Variants in CLDN16 observed in about 807,000 individuals in gnomAD.
The protein encoded by CLDN16 is claudin-16.
CLDN16 carries 13 observed loss-of-function variants against 24.6 expected under a neutral mutation model. The ratio of observed to expected loss-of-function variants is 0.53; its 90% CI spans 0.34 to 0.84. The LOEUF is 0.84. Among genes scored for constraint, CLDN16 ranks in the 40% least tolerant of loss-of-function variants. The pLI is 0.01. For synonymous variants in CLDN16, 116 were observed against 106.7 expected, an observed-to-expected ratio of 1.09 and a Z score of -0.54; for missense variants, 298 against 292.7, an observed-to-expected ratio of 1.02 and a Z score of -0.13.
chr3:190,354,476 A>G (rs1363960135), intron 1 of CLDN16, among the ~76,000 whole-genome samples: 3 of 151,950 alleles, frequency 2.0e-5, no homozygotes, highest in Admixed American at 2.0e-4. Context: ...TCTTTTCTTT[A>G]TGACACTCTT....
At chr3:190,345,188 G>A (rs1388180124) in intron 1 of CLDN16, among the ~76,000 whole-genome samples, 4 of 152,090 alleles carry the variant, frequency 2.6e-5, no homozygotes, top group African/African-American at 4.8e-5. Context: ...TAGTAACCAG[G>A]GAGATAGCTG....
At chr3:190,326,671 T>A (rs973710449) in intron 1 of CLDN16, among the ~76,000 whole-genome samples, 3 of 152,172 alleles carry the variant, frequency 2.0e-5, no homozygotes, top group Non-Finnish European at 2.9e-5. Flanking sequence ...TTGATATTTT[T>A]ATTATCAAGT....
Position 190,327,923 on chromosome 3 carries a change from C to A in CLDN16, n.121+5262C>A, listed in dbSNP as rs572145548. On this transcript the variant is annotated intron_variant and non_coding_transcript_variant, in intron 1 of 4. Coordinates refer to the CLDN16 transcript ENST00000468220. ...AAACAATTTTGACTCACAAGTAGAT[C>A]TTGTTTTTTTTGTGTGTGTTTAGAG... Among the ~76,000 whole-genome samples the A allele has an allele frequency of 6.6e-4, 101 of 152,176 alleles. 1 individual carries two copies. In the South Asian group the frequency reaches 0.02, roughly 31 times the overall value.
At chr3:190,308,056 GA>G in the CLDN16 span, 1 of 511,254 alleles carries the variant, frequency 2.0e-6, no homozygotes, top group Non-Finnish European at 3.5e-6. Flanking sequence ...AATACAAATG[GA>G]AAAATCTTCC....
At chr3:190,325,579 T>C (rs1490783297) in intron 1 of CLDN16, among the ~76,000 whole-genome samples, 1 of 152,200 alleles carries the variant, frequency 6.6e-6, no homozygotes, top group Non-Finnish European at 1.5e-5. Flanking sequence ...GGCTTAGCCA[T>C]GATCTTGAGA....
chr3:190,325,546 T>C (rs1454759453), intron 1 of CLDN16, among the ~76,000 whole-genome samples: 2 of 152,168 alleles, frequency 1.3e-5, no homozygotes, highest in East Asian at 1.9e-4. Context: ...GTTTATTCCA[T>C]GTGCTTGTGC....
chr3:190,344,924 A>G (rs1437607336), intron 1 of CLDN16, among the ~76,000 whole-genome samples: 3 of 152,118 alleles, frequency 2.0e-5, no homozygotes, highest in African/African-American at 4.8e-5. Context: ...AAATAATTCT[A>G]TTTACCCAGA....
chr3:190,363,116 C>T (rs1717935948), intron 1 of CLDN16, among the ~76,000 whole-genome samples: 1 of 151,868 alleles, frequency 6.6e-6, no homozygotes, highest in Non-Finnish European at 1.5e-5. Context: ...TCCAAGGGCA[C>T]TAATTTTTCT....
intron 1 of CLDN16, among the ~76,000 whole-genome samples, chr3:190,368,892 T>TG (rs1332875998): frequency 4.6e-5 from 7 of 152,004 alleles, no homozygotes; most frequent in African/African-American, 1.7e-4. Context: ...GATTTTCTGT[T>TG]GCTTGCTACT....
chr3:190,297,487 T>C, the CLDN16 span, among the ~76,000 whole-genome samples: 2 of 113,876 alleles, frequency 1.8e-5, no homozygotes, highest in South Asian at 2.4e-4. Flanking sequence ...CTATATATTA[T>C]ATATCTATAT....
chr3:190,344,127 A>G (rs1241892865), intron 1 of CLDN16, among the ~76,000 whole-genome samples: 1 of 152,140 alleles, frequency 6.6e-6, no homozygotes, highest in Non-Finnish European at 1.5e-5. Context: ...TATAAAAAAT[A>G]TAAAAAATAA....
chr3:190,334,998 ATTCTT>A (rs1201822263), intron 1 of CLDN16, among the ~76,000 whole-genome samples: 1 of 137,254 alleles, frequency 7.3e-6, no homozygotes, highest in African/African-American at 2.6e-5. Context: ...TTTTCTTTTT[ATTCTT>A]TTCTTTCCTT....
chr3:190,343,964 C>A (rs145763741), intron 1 of CLDN16, among the ~76,000 whole-genome samples: 35 of 150,902 alleles, frequency 2.3e-4, no homozygotes, highest in African/African-American at 8.2e-4. Flanking sequence ...TAGATTGTAT[C>A]TTCACATGTG....
chr3:190,371,702 G>A (rs933925360), intron 2 of CLDN16, among the ~76,000 whole-genome samples: 1 of 151,954 alleles, frequency 6.6e-6, no homozygotes, highest in African/African-American at 2.4e-5. Context: ...TGAATTAGGA[G>A]GTGATCCATA....
chr3:190,402,243 T>TA, intron 1 of CLDN16, 94 bp from the exon 2 acceptor site: 1 of 904,178 alleles, frequency 1.1e-6, no homozygotes, highest in Non-Finnish European at 1.9e-6. Flanking sequence ...CTTACTTTGC[T>TA]ATCAAACACA....
At chr3:190,337,109 A>T (rs945091797) in intron 1 of CLDN16, among the ~76,000 whole-genome samples, 2 of 152,174 alleles carry the variant, frequency 1.3e-5, no homozygotes, top group Non-Finnish European at 2.9e-5. Flanking sequence ...TGGACAATGG[A>T]CTGCTGTTGT....
chr3:190,398,824 G>C (rs1292624889), intron 1 of CLDN16, among the ~76,000 whole-genome samples: 1 of 152,052 alleles, frequency 6.6e-6, no homozygotes, highest in Non-Finnish European at 1.5e-5. Context: ...GATCAAAAAA[G>C]GTAAGATCTT....
intron 1 of CLDN16, among the ~76,000 whole-genome samples, chr3:190,343,459 C>T (rs1717482851): frequency 6.6e-6 from 1 of 152,076 alleles, no homozygotes; most frequent in Non-Finnish European, 1.5e-5. Flanking sequence ...GGTATATACT[C>T]AAAGGAGATA....
At chr3:190,395,536 T>C (rs977985309) in intron 1 of CLDN16, among the ~76,000 whole-genome samples, 34 of 152,152 alleles carry the variant, frequency 2.2e-4, no homozygotes, top group African/African-American at 8.2e-4. Context: ...TGAAAATGTT[T>C]CCAATTTTAG....
Sources: allele counts gnomAD v4.1 joint callset (sites outside exome capture counted in the v4.1 genomes callset), GRCh38; gene constraint gnomAD v4.1.1; transcripts MANE v1.5; gene names NCBI Gene and HGNC (gene_info 2026-07-23, HGNC 2026-07-21).